The following CAMKMT variants were observed in gnomAD, a reference collection of about 807,000 sequenced individuals.
The protein encoded by CAMKMT is calmodulin-lysine N-methyltransferase, also known as CaM KMT.
In CAMKMT, 53 loss-of-function variants were observed where a neutral mutation model predicts 48.0. That is an observed-to-expected ratio of 1.10 (90% confidence interval 0.89 to 1.39). The LOEUF (loss-of-function observed/expected upper bound fraction) is 1.39, where lower values mean the gene tolerates loss of function less well. CAMKMT is among the 40% of genes most tolerant of loss of function. CAMKMT has a pLI of 0.00. For synonymous variants in CAMKMT, 165 were observed against 152.3 expected (o/e 1.08, Z -0.61); for missense variants, 428 against 402.7 (o/e 1.06, Z -0.54).
At chr2:44,549,790 T>G in intron 3 of CAMKMT, 1 of 428,282 alleles carries the variant, frequency 2.3e-6, no homozygotes, top group Non-Finnish European at 4.1e-6. Flanking sequence ...ACTTACATCC[T>G]AGAACAAAGA....
chr2:44,366,870 C>T (rs1678648960), intron 1 of CAMKMT, among the ~76,000 whole-genome samples: 1 of 151,988 alleles, frequency 6.6e-6, no homozygotes, highest in Non-Finnish European at 1.5e-5. Flanking sequence ...TACAGGTGCA[C>T]ACCACCACGC....
At chr2:44,585,158 T>C (rs1669788810) in intron 3 of CAMKMT, among the ~76,000 whole-genome samples, 1 of 152,150 alleles carries the variant, frequency 6.6e-6, no homozygotes, top group Non-Finnish European at 1.5e-5. Flanking sequence ...GCCAGTCAAG[T>C]TAATTTTGAT....
At chr2:44,469,771 T>G (rs771545319) in intron 3 of CAMKMT, among the ~76,000 whole-genome samples, 2 of 152,100 alleles carry the variant, frequency 1.3e-5, no homozygotes, top group Non-Finnish European at 2.9e-5. Context: ...GTTTTTATTT[T>G]GTCTTTAATT....
At chr2:44,429,900 A>G (rs1416473782) in intron 3 of CAMKMT, among the ~76,000 whole-genome samples, 2 of 151,224 alleles carry the variant, frequency 1.3e-5, no homozygotes, top group African/African-American at 4.8e-5. Context: ...TCATTATATG[A>G]TCTTGTTAAA....
intron 3 of CAMKMT, among the ~76,000 whole-genome samples, chr2:44,488,307 C>G (rs1384241366): frequency 6.6e-6 from 1 of 152,044 alleles, no homozygotes; most frequent in Non-Finnish European, 1.5e-5. Flanking sequence ...GAGACACCAG[C>G]CTGACCAACA....
At chr2:44,662,060 G>C (rs1223060397) in intron 3 of CAMKMT, among the ~76,000 whole-genome samples, 1 of 152,162 alleles carries the variant, frequency 6.6e-6, no homozygotes, top group Non-Finnish European at 1.5e-5. Context: ...ATTGGGAAAG[G>C]TTTTTTCCCA....
intron 3 of CAMKMT, among the ~76,000 whole-genome samples, chr2:44,667,771 C>T (rs1461920057): frequency 1.3e-5 from 2 of 152,280 alleles, no homozygotes; most frequent in East Asian, 3.9e-4. Flanking sequence ...TTCTACAGCT[C>T]AGGTACTGTG....
intron 3 of CAMKMT, among the ~76,000 whole-genome samples, chr2:44,617,632 G>A (rs1165924433): frequency 6.6e-6 from 1 of 152,296 alleles, no homozygotes; most frequent in Admixed American, 6.5e-5. Context: ...TGCACGATGG[G>A]CTCACTGAGC....
intron 3 of CAMKMT, among the ~76,000 whole-genome samples, chr2:44,461,838 G>A (rs1459752054): frequency 1.3e-5 from 2 of 152,108 alleles, no homozygotes; most frequent in African/African-American, 2.4e-5. Flanking sequence ...GATGGGGTAA[G>A]GGTAGGGCCA....
chr2:44,727,433 A>G, intron 7 of CAMKMT, among the ~76,000 whole-genome samples: 1 of 152,160 alleles, frequency 6.6e-6, no homozygotes, highest in East Asian at 1.9e-4. Context: ...ACATTGTGTA[A>G]AGAAATGCTA....
chr2:44,476,837 G>C (rs1274876452), intron 3 of CAMKMT, among the ~76,000 whole-genome samples: 1 of 152,102 alleles, frequency 6.6e-6, no homozygotes, highest in Admixed American at 6.5e-5. Context: ...GTAAAATGGG[G>C]ATAATAACTC....
intron 3 of CAMKMT, among the ~76,000 whole-genome samples, chr2:44,448,583 A>G (rs1667127023): frequency 6.6e-6 from 1 of 152,208 alleles, no homozygotes; most frequent in Non-Finnish European, 1.5e-5. Context: ...GTAATTGTGT[A>G]TTCTATCTTG....
chr2:44,367,804 A>G (rs1678763479), intron 1 of CAMKMT, among the ~76,000 whole-genome samples: 1 of 152,190 alleles, frequency 6.6e-6, no homozygotes. Context: ...GTATCTATCA[A>G]AGTACCATTG....
chr2:44,525,475 C>T (rs942045743), intron 3 of CAMKMT, among the ~76,000 whole-genome samples: 4 of 152,066 alleles, frequency 2.6e-5, no homozygotes, highest in Non-Finnish European at 4.4e-5. Flanking sequence ...AGGATGGTCT[C>T]GATCTCCTGA....
chr2:44,732,544 C>T (rs1679135686), intron 7 of CAMKMT, among the ~76,000 whole-genome samples: 1 of 152,096 alleles, frequency 6.6e-6, no homozygotes, highest in African/African-American at 2.4e-5. Context: ...TTGTATGCGC[C>T]TTGCTCTTTT....
intron 7 of CAMKMT, among the ~76,000 whole-genome samples, chr2:44,736,832 C>G (rs1172155342): frequency 1.3e-5 from 2 of 152,110 alleles, no homozygotes; most frequent in Non-Finnish European, 2.9e-5. Flanking sequence ...TAGTTTTCAT[C>G]TCTAGAAGTT....
At chr2:44,700,593 G>A (rs1277664969) in intron 3 of CAMKMT, among the ~76,000 whole-genome samples, 1 of 152,168 alleles carries the variant, frequency 6.6e-6, no homozygotes, top group Admixed American at 6.5e-5. Context: ...CCGACTGGTG[G>A]AGAAGTCAGA....
intron 10 of CAMKMT, among the ~76,000 whole-genome samples, chr2:44,767,223 C>G (rs183128298): frequency 3.3e-5 from 5 of 152,284 alleles, no homozygotes; most frequent in Admixed American, 3.3e-4. Flanking sequence ...TTAGGATTCT[C>G]ACGTTTGCTA....
intron 3 of CAMKMT, among the ~76,000 whole-genome samples, chr2:44,581,420 T>C (rs1669555734): frequency 6.6e-6 from 1 of 152,214 alleles, no homozygotes; most frequent in African/African-American, 2.4e-5. Context: ...TGAATACAAG[T>C]CAAGTTTGTT....
Sources: gnomAD v4.1 joint callset for allele counts (sites outside exome capture counted in the v4.1 genomes callset) on GRCh38, gnomAD v4.1.1 for gene constraint, MANE v1.5 for transcripts, NCBI Gene and HGNC (gene_info 2026-07-23, HGNC 2026-07-21) for gene names.